SDHC: variants seen among roughly 807,000 people sequenced by gnomAD.
The protein encoded by SDHC is succinate dehydrogenase cytochrome b560 subunit, mitochondrial.
A neutral mutation model predicts 22.6 loss-of-function variants in SDHC; 11 were observed. That is an observed-to-expected ratio of 0.49 (90% CI 0.31 to 0.81). The LOEUF (loss-of-function observed/expected upper bound fraction) is 0.81. SDHC is among the 30% of genes least tolerant of loss of function. The pLI is 0.05. For missense variants in SDHC, 160 were observed against 212.0 expected, an observed-to-expected ratio of 0.75 and a Z score of 1.52; for synonymous variants, 80 against 77.8, an observed-to-expected ratio of 1.03 and a Z score of -0.15.
chr1:161,323,575 T>A (rs1670920220), intron 1 of SDHC, 39 bp from the exon 2 acceptor site: 1 of 1,550,722 alleles, frequency 6.4e-7, no homozygotes, highest in Admixed American at 1.7e-5. Flanking sequence ...AAAGTTGATC[T>A]CTAAATGTGT....
intron 5 of SDHC, among the ~76,000 whole-genome samples, chr1:161,360,941 C>G (rs1267213230): frequency 6.6e-6 from 1 of 152,006 alleles, no homozygotes; most frequent in African/African-American, 2.4e-5. Context: ...GGTGAAACCC[C>G]ATCTCTACTA....
chr1:161,356,452 T>C (rs1423791683), intron 4 of SDHC, among the ~76,000 whole-genome samples: 4 of 152,244 alleles, frequency 2.6e-5, no homozygotes, highest in Middle Eastern at 6.8e-3. Context: ...AGCAGGAGAC[T>C]CGCTTGAACT....
chr1:161,316,074 C>T (rs1268819851), intron 1 of SDHC, among the ~76,000 whole-genome samples: 2 of 152,156 alleles, frequency 1.3e-5, no homozygotes, highest in South Asian at 2.1e-4. Context: ...AGCCCTAAGG[C>T]GGTTTTCCCC....
At chr1:161,349,513 G>C (rs959041341) in intron 4 of SDHC, among the ~76,000 whole-genome samples, 1 of 152,084 alleles carries the variant, frequency 6.6e-6, no homozygotes, top group Non-Finnish European at 1.5e-5. Flanking sequence ...AGGGTCAGAT[G>C]GAAGAATCAG....
At chr1:161,319,801 CA>C (rs537561115) in intron 1 of SDHC, among the ~76,000 whole-genome samples, 2 of 152,082 alleles carry the variant, frequency 1.3e-5, no homozygotes, top group Non-Finnish European at 2.9e-5. Flanking sequence ...AGGCTCTATT[CA>C]GAGAACAGCA....
In SDHC at chr1:161,317,549, GGTTTTTTTTT is replaced by G. The variant is rs1485774255; in HGVS notation, c.20+3125_20+3134del. Among the ~76,000 whole-genome samples the G allele has an allele frequency of 2.5e-4, 28 of 113,330 alleles. 1 individual carries two copies. In the East Asian group the frequency reaches 4.5e-3, roughly 18 times the overall value. The allele number at this position is 113,330 out of a possible 152,430, so 74.3% of individuals were successfully genotyped here. On this transcript the variant is annotated intron_variant, in intron 1 of 5. Transcript: ENST00000367975. ...TGGTTTTGTGTGTGTGTGTGTGTGT[GGTTTTTTTTT>G]TTTTTTTTTTTTTTTTTTTTGAGAC...
chr1:161,336,618 T>G (rs964081997), intron 3 of SDHC, among the ~76,000 whole-genome samples: 3 of 152,162 alleles, frequency 2.0e-5, no homozygotes, highest in African/African-American at 7.2e-5. Flanking sequence ...TTTGCTTTTC[T>G]GGTTATGTAA....
At chr1:161,325,341 CAATA>C (rs56075649) in intron 2 of SDHC, among the ~76,000 whole-genome samples, 53,602 of 150,000 alleles carry the variant, frequency 0.36, 10,355 homozygotes, top group African/African-American at 0.51. Context: ...TACCCTGTCT[CAATA>C]AATAAATAAA....
chr1:161,330,807 T>C (rs1372735919), intron 3 of SDHC, among the ~76,000 whole-genome samples: 1 of 151,960 alleles, frequency 6.6e-6, no homozygotes, highest in Non-Finnish European at 1.5e-5. Context: ...TGAGACCAGA[T>C]TGGGCAACAT....
intron 4 of SDHC, among the ~76,000 whole-genome samples, chr1:161,344,284 C>T (rs183469406): frequency 2.6e-5 from 4 of 151,702 alleles, no homozygotes; most frequent in Admixed American, 1.3e-4. Context: ...AGCGAGACTC[C>T]GTCTCAAAAA....
chr1:161,362,281 T>G (rs1429151809), intron 5 of SDHC, 48 bp from the exon 6 acceptor site: 2 of 1,584,896 alleles, frequency 1.3e-6, no homozygotes, highest in Admixed American at 1.8e-5. Flanking sequence ...GAACTGTTAA[T>G]GTCCTATTTA....
At position 161,335,130 on chromosome 1, in the gene SDHC, G is replaced by A. The variant is rs1671423838; in HGVS notation, c.180-5464G>A. ...CGTTTTTAGAATGTTCCTTAATTTG[G>A]GTTTGTTTGGTGTTTTATGATTTAT... On this transcript the variant is annotated intron_variant, in intron 3 of 5. Coordinates refer to ENST00000367975, the MANE Select transcript of SDHC (RefSeq NM_003001.5). 2.6e-5 allele frequency among the ~76,000 whole-genome samples: 4 copies of A among 152,174 alleles called. No individual in the cohort carries two copies. In the South Asian group the frequency reaches 8.3e-4, roughly 32 times the overall value.
At position 161,324,402 on chromosome 1, in the gene SDHC, A is replaced by G. The variant is rs769556290; in HGVS notation, c.77+732A>G. ...CATGAGCCATTGCACCTGGACTTTC[A>G]TGGTGTATATTTATTCTCAGCCTGT... On this transcript the variant is annotated intron_variant, in intron 2 of 5. Coordinates refer to ENST00000367975, the MANE Select transcript of SDHC (RefSeq NM_003001.5). 3.9e-5 allele frequency among the ~76,000 whole-genome samples: 6 copies of G among 152,316 alleles called. No homozygotes were observed. In the South Asian group the frequency reaches 6.2e-4, roughly 16 times the overall value.
chr1:161,320,399 T>C (rs1050529416), intron 1 of SDHC, among the ~76,000 whole-genome samples: 1 of 152,224 alleles, frequency 6.6e-6, no homozygotes, highest in African/African-American at 2.4e-5. Flanking sequence ...CTTTTTGGTA[T>C]ACCATCAGAT....
At chr1:161,320,953 A>T (rs773752900) in intron 1 of SDHC, among the ~76,000 whole-genome samples, 1 of 150,914 alleles carries the variant, frequency 6.6e-6, no homozygotes, top group African/African-American at 2.5e-5. Context: ...CAGCCTCCCG[A>T]GTAGCTGGGA....
chr1:161,315,557 T>C (rs1050996380), intron 1 of SDHC, among the ~76,000 whole-genome samples: 6 of 152,226 alleles, frequency 3.9e-5, no homozygotes, highest in Admixed American at 6.5e-5. Flanking sequence ...TTAGGGGCTT[T>C]TGGTAAAATT....
intron 2 of SDHC, chr1:161,326,591 A>T (rs1287186160): frequency 3.0e-5 from 4 of 132,728 alleles, no homozygotes; most frequent in African/African-American, 5.5e-5. Context: ...TAGGTCTTTA[A>T]GGTTTTATTT....
intron 3 of SDHC, among the ~76,000 whole-genome samples, chr1:161,333,423 A>G (rs1403993412): frequency 8.9e-6 from 1 of 112,320 alleles, no homozygotes; most frequent in Non-Finnish European, 1.9e-5. Flanking sequence ...TTTTTTTTTT[A>G]AAGACGGAGT....
intron 1 of SDHC, among the ~76,000 whole-genome samples, chr1:161,317,888 T>C (rs775991619): frequency 3.8e-4 from 58 of 151,798 alleles, no homozygotes; most frequent in Non-Finnish European, 7.7e-4. Flanking sequence ...ATAATAACAA[T>C]TGTGGCTGGG....
Sources: gnomAD v4.1 joint callset for allele counts (sites outside exome capture counted in the v4.1 genomes callset) on GRCh38, gnomAD v4.1.1 for gene constraint, MANE v1.5 for transcripts, NCBI Gene and HGNC (gene_info 2026-07-23, HGNC 2026-07-21) for gene names.